The following GLRA2 variants were observed in gnomAD, a reference collection of about 807,000 sequenced individuals.
GLRA2 encodes the protein glycine receptor subunit alpha-2.
GLRA2 carries 11 observed loss-of-function variants against 31.6 expected under a neutral mutation model. That is an observed-to-expected ratio of 0.35 (90% CI 0.22 to 0.58). The LOEUF (loss-of-function observed/expected upper bound fraction) is 0.58, where lower values mean the gene tolerates loss of function less well. GLRA2 is among the 20% of genes least tolerant of loss of function. The pLI, the probability that GLRA2 is intolerant of heterozygous loss-of-function variation, is 0.84. For missense variants in GLRA2, 212 were observed against 351.8 expected (o/e 0.60, Z 3.18); for synonymous variants, 132 against 134.0 (o/e 0.99, Z 0.10).
chrX:14,475,695 CAG>C, the GLRA2 span, among the ~76,000 whole-genome samples: 1 of 111,307 alleles, frequency 9.0e-6, no homozygotes, highest in African/African-American at 3.3e-5. Flanking sequence ...ATCACGCACA[CAG>C]ACACACACAC....
At chrX:14,724,331 A>G in intron 8 of GLRA2, among the ~76,000 whole-genome samples, 1 of 110,971 alleles carries the variant, frequency 9.0e-6, no homozygotes, top group East Asian at 2.8e-4. Context: ...ATTTGTTAAA[A>G]ATGTGAGAAA....
At chrX:14,509,881 A>G in the GLRA2 span, among the ~76,000 whole-genome samples, 2,049 of 111,870 alleles carry the variant, frequency 0.018, 53 homozygotes, top group African/African-American at 0.063. Flanking sequence ...AGCAGAAAAA[A>G]TGTGTGCTAG....
chrX:14,685,941 T>G (rs1439304030), intron 7 of GLRA2, among the ~76,000 whole-genome samples: 1 of 112,019 alleles, frequency 8.9e-6, no homozygotes, highest in Non-Finnish European at 1.9e-5. Flanking sequence ...CTTTCTCTTG[T>G]GGCATTTAGT....
chrX:14,482,194 C>A, the GLRA2 span, among the ~76,000 whole-genome samples: 6,843 of 111,164 alleles, frequency 0.062, 539 homozygotes, highest in African/African-American at 0.21. Context: ...GAACACAATT[C>A]AAAATTAATT....
the GLRA2 span, among the ~76,000 whole-genome samples, chrX:14,505,904 G>A: frequency 9.0e-6 from 1 of 111,294 alleles, no homozygotes; most frequent in African/African-American, 3.3e-5. Flanking sequence ...GAAAAACACA[G>A]TTTTAAAACC....
the GLRA2 span, among the ~76,000 whole-genome samples, chrX:14,464,534 G>C: frequency 4.4e-4 from 48 of 110,126 alleles, no homozygotes; most frequent in Non-Finnish European, 7.4e-4. Flanking sequence ...TGTTTCATGG[G>C]TCTATGTATC....
At chrX:14,563,498 A>G (rs2089760503) in intron 2 of GLRA2, among the ~76,000 whole-genome samples, 1 of 112,427 alleles carries the variant, frequency 8.9e-6, no homozygotes, top group Admixed American at 9.5e-5. Flanking sequence ...TAGAGAAGGT[A>G]GATAATTTTC....
chrX:14,634,505 G>C (rs2090687096), intron 7 of GLRA2, among the ~76,000 whole-genome samples: 1 of 111,553 alleles, frequency 9.0e-6, no homozygotes, highest in Non-Finnish European at 1.9e-5. Flanking sequence ...ATTTTATTCT[G>C]CCTTATATTA....
chrX:14,463,547 A>G, the GLRA2 span, among the ~76,000 whole-genome samples: 3 of 111,312 alleles, frequency 2.7e-5, no homozygotes, highest in South Asian at 7.8e-4. Flanking sequence ...CACTGTGAGC[A>G]TAGAACCGCC....
chrX:14,454,186 ACC>A, the GLRA2 span, among the ~76,000 whole-genome samples: 2 of 81,692 alleles, frequency 2.4e-5, no homozygotes, highest in Non-Finnish European at 5.1e-5. Context: ...ACACCCACAC[ACC>A]CACACACACA....
At chrX:14,537,894 T>C (rs1361592046) in intron 2 of GLRA2, among the ~76,000 whole-genome samples, 1 of 108,865 alleles carries the variant, frequency 9.2e-6, no homozygotes, top group African/African-American at 3.3e-5. Flanking sequence ...ACAATATTGA[T>C]GAAGATTTTT....
chrX:14,541,958 G>T (rs2089410768), intron 2 of GLRA2, among the ~76,000 whole-genome samples: 1 of 111,370 alleles, frequency 9.0e-6, no homozygotes. Flanking sequence ...CTGATTCAAA[G>T]CCACCTGAGA....
the GLRA2 span, among the ~76,000 whole-genome samples, chrX:14,453,801 A>G: frequency 8.0e-5 from 9 of 111,927 alleles, no homozygotes; most frequent in East Asian, 2.2e-3. Flanking sequence ...ATGTCCTTCA[A>G]TGGGCAAATG....
intron 7 of GLRA2, among the ~76,000 whole-genome samples, chrX:14,623,487 T>G (rs1412659086): frequency 9.0e-6 from 1 of 111,308 alleles, no homozygotes; most frequent in Non-Finnish European, 1.9e-5. Flanking sequence ...GCTGTGGGTT[T>G]GTCATAAATA....
chrX:14,691,334 C>T (rs1035521894), intron 8 of GLRA2, among the ~76,000 whole-genome samples: 3 of 92,829 alleles, frequency 3.2e-5, no homozygotes, highest in Admixed American at 1.2e-4. Context: ...TGCGCGCGTG[C>T]GTGCGTGTAC....
chrX:14,506,478 T>C, the GLRA2 span, among the ~76,000 whole-genome samples: 2 of 111,907 alleles, frequency 1.8e-5, no homozygotes, highest in South Asian at 7.5e-4. Context: ...TTTAATTTCA[T>C]AAATTAGTGT....
intron 7 of GLRA2, among the ~76,000 whole-genome samples, chrX:14,609,946 AAAG>A (rs200937151): frequency 0.011 from 1,260 of 111,412 alleles, 14 homozygotes; most frequent in African/African-American, 0.038. Context: ...ATTTTTATAA[AAAG>A]AAGGCCATCT....
the GLRA2 span, among the ~76,000 whole-genome samples, chrX:14,469,269 G>T: frequency 9.0e-6 from 1 of 111,564 alleles, no homozygotes; most frequent in African/African-American, 3.3e-5. Context: ...GTAATGCCTA[G>T]GTTTTCTTCT....
intron 2 of GLRA2, among the ~76,000 whole-genome samples, chrX:14,558,112 G>A (rs959901978): frequency 2.7e-5 from 3 of 111,931 alleles, no homozygotes; most frequent in African/African-American, 9.7e-5. Context: ...GAGGATATTG[G>A]AAGATCTAAG....
Sources: allele counts gnomAD v4.1 joint callset (sites outside exome capture counted in the v4.1 genomes callset), GRCh38; gene constraint gnomAD v4.1.1; transcripts MANE v1.5; gene names NCBI Gene and HGNC (gene_info 2026-07-23, HGNC 2026-07-21).